UMAD1: variants seen among roughly 807,000 people sequenced by gnomAD.
UMAD1 encodes the protein UBAP1-MVB12-associated (UMA)-domain containing protein 1.
Under a neutral mutation model 6.1 loss-of-function variants are expected in UMAD1, and 8 were observed. The ratio of observed to expected loss-of-function variants is 1.30; its 90% CI spans 0.76 to 2.35. UMAD1 has a LOEUF of 2.35. Among genes scored for constraint, UMAD1 ranks in the 30% most tolerant of loss-of-function variants. The probability of loss-of-function intolerance (pLI) is 0.00; values close to 1 mark genes in which losing one functional copy is unlikely to be tolerated. For synonymous variants in UMAD1, 56 were observed against 31.4 expected, an observed-to-expected ratio of 1.78 and a Z score of -2.61; for missense variants, 130 against 78.4, an observed-to-expected ratio of 1.66 and a Z score of -2.49.
chr7:7,798,266 A>G (rs1001827295), intron 2 of UMAD1, among the ~76,000 whole-genome samples: 1 of 152,220 alleles, frequency 6.6e-6, no homozygotes, highest in African/African-American at 2.4e-5. Context: ...TGAGTTTCAC[A>G]TCAGTCCTTT....
At chr7:7,788,675 A>T (rs964622224) in intron 2 of UMAD1, among the ~76,000 whole-genome samples, 8 of 146,560 alleles carry the variant, frequency 5.5e-5, no homozygotes, top group Admixed American at 6.8e-5. Flanking sequence ...TGATTTCTGC[A>T]GGAAGCAAAG....
intron 3 of UMAD1, among the ~76,000 whole-genome samples, chr7:7,850,167 T>A (rs1419375763): frequency 6.6e-6 from 1 of 152,178 alleles, no homozygotes; most frequent in Non-Finnish European, 1.5e-5. Context: ...AAAAACTATC[T>A]ATCCCCATGA....
intron 3 of UMAD1, among the ~76,000 whole-genome samples, chr7:7,865,460 T>C (rs891341806): frequency 2.6e-5 from 4 of 152,164 alleles, no homozygotes; most frequent in African/African-American, 9.7e-5. Context: ...GCCTACCTCC[T>C]TGGGGAGGAA....
chr7:7,766,001 G>C (rs1781977014), intron 2 of UMAD1, among the ~76,000 whole-genome samples: 2 of 152,186 alleles, frequency 1.3e-5, no homozygotes, highest in African/African-American at 4.8e-5. Flanking sequence ...CGTTGTAATA[G>C]TGGAATAAGA....
intron 3 of UMAD1, among the ~76,000 whole-genome samples, chr7:7,850,835 G>A (rs1307076648): frequency 6.6e-6 from 1 of 151,984 alleles, no homozygotes; most frequent in African/African-American, 2.4e-5. Context: ...GTGTATTAGT[G>A]ATTTTTAAGC....
At chr7:7,651,099 A>G (rs1785214298) in intron 1 of UMAD1, among the ~76,000 whole-genome samples, 1 of 152,246 alleles carries the variant, frequency 6.6e-6, no homozygotes, top group Admixed American at 6.5e-5. Context: ...TAATATAGCA[A>G]ATCAGACATT....
At chr7:7,654,750 A>G (rs1785302133) in intron 1 of UMAD1, among the ~76,000 whole-genome samples, 2 of 152,044 alleles carry the variant, frequency 1.3e-5, no homozygotes, top group Non-Finnish European at 2.9e-5. Flanking sequence ...TAAAAAATAC[A>G]AAAATTAGCC....
intron 1 of UMAD1, among the ~76,000 whole-genome samples, chr7:7,653,351 C>T (rs1785270197): frequency 6.6e-6 from 1 of 152,168 alleles, no homozygotes; most frequent in Non-Finnish European, 1.5e-5. Context: ...CCTTCTTTGT[C>T]AGTGATTGAG....
chr7:7,669,584 T>G (rs1166192826), intron 1 of UMAD1, among the ~76,000 whole-genome samples: 1 of 152,218 alleles, frequency 6.6e-6, no homozygotes, highest in African/African-American at 2.4e-5. Flanking sequence ...TGACCTTAGG[T>G]ACCTAGTGGC....
intron 2 of UMAD1, among the ~76,000 whole-genome samples, chr7:7,786,994 C>G (rs1782473518): frequency 6.6e-6 from 1 of 152,174 alleles, no homozygotes; most frequent in African/African-American, 2.4e-5. Flanking sequence ...TCCTCCAAGC[C>G]TTAAAACAAC....
intron 1 of UMAD1, among the ~76,000 whole-genome samples, chr7:7,666,121 C>G (rs1583710547): frequency 6.6e-6 from 1 of 152,166 alleles, no homozygotes; most frequent in African/African-American, 2.4e-5. Flanking sequence ...CCTTCTACCA[C>G]AAGTGTACAA....
chr7:7,642,649 A>G (rs1399437122), intron 1 of UMAD1, among the ~76,000 whole-genome samples: 1 of 152,226 alleles, frequency 6.6e-6, no homozygotes, highest in Non-Finnish European at 1.5e-5. Context: ...TATAAAATAC[A>G]TGATGTACAG....
intron 2 of UMAD1, among the ~76,000 whole-genome samples, chr7:7,710,520 C>T (rs1434240913): frequency 6.6e-6 from 1 of 152,118 alleles, no homozygotes; most frequent in Non-Finnish European, 1.5e-5. Flanking sequence ...CTCTACAAAC[C>T]TGTATCAGAA....
intron 2 of UMAD1, among the ~76,000 whole-genome samples, chr7:7,775,156 C>T (rs1782178226): frequency 6.6e-6 from 1 of 152,204 alleles, no homozygotes. Context: ...TGGTCCATTT[C>T]AGTATGGCTT....
intron 3 of UMAD1, among the ~76,000 whole-genome samples, chr7:7,822,163 A>G (rs1450893158): frequency 1.3e-5 from 2 of 152,068 alleles, no homozygotes; most frequent in African/African-American, 2.4e-5. Flanking sequence ...TGTGTACTTT[A>G]TTTAAAATTT....
intron 2 of UMAD1, among the ~76,000 whole-genome samples, chr7:7,683,992 C>T (rs1056347172): frequency 2.6e-5 from 4 of 152,140 alleles, no homozygotes; most frequent in South Asian, 2.1e-4. Flanking sequence ...CCAAGACCCC[C>T]GCTCATACCA....
chr7:7,748,670 C>T (rs935905646), intron 2 of UMAD1, among the ~76,000 whole-genome samples: 7 of 151,978 alleles, frequency 4.6e-5, no homozygotes, highest in African/African-American at 1.7e-4. Flanking sequence ...CATCTATTAC[C>T]TTCATTCCTG....
At chr7:7,755,036 A>G (rs2115224295) in intron 2 of UMAD1, among the ~76,000 whole-genome samples, 1 of 152,168 alleles carries the variant, frequency 6.6e-6, no homozygotes, top group Middle Eastern at 3.4e-3. Context: ...AGATCATGTC[A>G]CTCCTTTGTT....
At chr7:7,823,788 C>A (rs1783290096) in intron 3 of UMAD1, among the ~76,000 whole-genome samples, 1 of 152,148 alleles carries the variant, frequency 6.6e-6, no homozygotes, top group Non-Finnish European at 1.5e-5. Flanking sequence ...CATCCCCTCT[C>A]CATTCCCTTT....
Sources: gnomAD v4.1 joint callset for allele counts (sites outside exome capture counted in the v4.1 genomes callset) on GRCh38, gnomAD v4.1.1 for gene constraint, MANE v1.5 for transcripts, NCBI Gene and HGNC (gene_info 2026-07-23, HGNC 2026-07-21) for gene names.